The following MMP8 variants were observed in gnomAD, a reference collection of about 807,000 sequenced individuals.
MMP8 encodes matrix metallopeptidase 8.
A neutral mutation model predicts 51.2 loss-of-function variants in MMP8; 67 were observed. The observed-to-expected ratio is 1.31, with a 90% confidence interval of 1.08 to 1.60. MMP8 has a LOEUF of 1.60. Among genes scored for constraint, MMP8 ranks in the 40% most tolerant of loss-of-function variants. The pLI is 0.00. For synonymous variants in MMP8, 225 were observed against 191.0 expected (o/e 1.18, Z -1.47); for missense variants, 654 against 558.1 (o/e 1.17, Z -1.73).
rs754755980 is a variant in MMP8, at chr11:102,714,605, C to T, written c.1141G>A (p.Val381Ile). The change falls in exon 8 of 10, where the codon GTT becomes ATT. Residue 381 changes from valine (V) to isoleucine (I), a missense_variant. Val to Ile is a conservative substitution (Grantham distance 29). Transcript: ENST00000236826. ...AAGTATGTTTTACTTCTGTAGAAAA[C>T]AGCTGCGTCAATTGCTTGGACGCTG... ...PSSVQAIDAAVFYRSKTYFFV... is the reference protein window; with the variant it reads ...PSSVQAIDAAIFYRSKTYFFV... 5.3e-6 allele frequency: 8 copies of T among 1,523,060 alleles called. No homozygotes were observed. Among genetic ancestry groups the T allele is most frequent in the Non-Finnish European group, 7.0e-6 (8 of 1,137,642 alleles). 94.3% of individuals were successfully genotyped at this position (1,523,060 alleles called of 1,614,324 possible). A position where few individuals can be genotyped will look rare whatever the true frequency, so the allele number is the denominator to read the frequency against.
At chr11:102,724,539 C>T (rs929915837) in intron 1 of MMP8, among the ~76,000 whole-genome samples, 2 of 152,130 alleles carry the variant, frequency 1.3e-5, no homozygotes, top group African/African-American at 4.8e-5. Flanking sequence ...ATTTTCCCAG[C>T]CTTTAAAGAA....
In MMP8 at chr11:102,717,647, A is replaced by G. The variant is rs77757920; in HGVS notation, c.784+767T>C. Among the ~76,000 whole-genome samples the G allele has an allele frequency of 4.0e-3, 611 of 151,956 alleles. 5 individuals are homozygous for G. The highest frequency in any genetic ancestry group is 0.014 in the African/African-American group (573 of 41,412). On this transcript the variant is annotated intron_variant, in intron 5 of 9. Coordinates refer to ENST00000236826, the MANE Select transcript of MMP8 (RefSeq NM_002424.3). ...TATCTGTATAGTCTTCTCCTAATAG[A>G]CTCCCAGGTGTCTTCCAACTTCCAT...
Position 102,718,594 on chromosome 11 carries a change from T to C in MMP8, c.623-19A>G. 6.2e-7 allele frequency: 1 copy of C among 1,613,512 alleles called. No individual in the cohort carries two copies. Among genetic ancestry groups the C allele is most frequent in the Admixed American group, 1.7e-5 (1 of 59,938 alleles). ...TTGTAATCTGAAATGCAAACACGGG[T>C]GGTAAACAGCTCAGTGTGGATCCCA... is the stretch of plus-strand genomic sequence containing the variant. On this transcript the variant is annotated intron_variant, in intron 4 of 9. Transcript: ENST00000236826.
intron 6 of MMP8, among the ~76,000 whole-genome samples, chr11:102,715,802 GCA>G (rs1236011713): frequency 6.6e-6 from 1 of 152,188 alleles, no homozygotes; most frequent in Admixed American, 6.5e-5. Context: ...GCCTGTGATT[GCA>G]CACTCACAAA....
rs1235821879 is a variant in MMP8 at position 102,713,378 on chromosome 11, G to A, written c.1374C>T (p.Gly458=). The A allele has an allele frequency of 1.2e-6, 2 of 1,613,264 alleles. No individual in the cohort carries two copies. Among genetic ancestry groups the A allele is most frequent in the African/African-American group, 2.7e-5 (2 of 74,852 alleles). The part of the protein sequence containing the change: ...IAQRVTRVAR[G]NKWLNCRYG ...CATATCTACAGTTAAGCCATTTATT[G>A]CCTCTTGCAACTCTGGTAACTCTCT... is the stretch of plus-strand genomic sequence containing the variant. The change falls in exon 10 of 10, where the codon GGC becomes GGT. Residue 458 remains glycine, a synonymous_variant. Transcript: ENST00000236826.
intron 8 of MMP8, 66 bp from the exon 9 acceptor site, chr11:102,713,923 A>G (rs1861205561): frequency 2.7e-6 from 3 of 1,094,130 alleles, no homozygotes; most frequent in East Asian, 2.6e-5. Context: ...AATTTTTTTT[A>G]TTGTATATAA....
chr11:102,714,697 C>T lies in MMP8; in HGVS notation c.1049G>A (p.Trp350Ter), dbSNP rs767627481. ...LIFLFKGNQYWALSGYDILQG... is the reference protein window; with the variant it reads ...LIFLFKGNQY ...CAGAATATCATAGCCACTCAGAGCC[C>T]AGTATTGGTTGCCTGTCAATGATTC... Residue 350 changes from tryptophan to a stop codon, truncating the protein, a stop_gained, in exon 8 of 10, where the codon TGG (tryptophan) becomes TAG (stop). Transcript: ENST00000236826. LOFTEE classifies it high-confidence loss of function. 1.3e-6 allele frequency: 2 copies of T among 1,508,392 alleles called. No individual in the cohort carries two copies. The highest frequency in any genetic ancestry group is 1.8e-6 in the Non-Finnish European group (2 of 1,132,162). 93.4% of individuals were successfully genotyped at this position (1,508,392 alleles called of 1,614,324 possible).
chr11:102,715,614 T>C lies in MMP8; in HGVS notation c.903-177A>G, dbSNP rs143801932. 1.4e-3 allele frequency among the ~76,000 whole-genome samples: 213 copies of C among 152,324 alleles called. 5 individuals carry two copies. The East Asian group carries it at 0.034, about 24-fold the overall frequency. ...CATATGGCGAAGCTTTATAGTGATA[T>C]TGTCCATCTGGCAAGTACTTCACAG... On this transcript the variant is annotated intron_variant, in intron 6 of 9. Coordinates refer to ENST00000236826, the MANE Select transcript of MMP8 (RefSeq NM_002424.3).
intron 5 of MMP8, among the ~76,000 whole-genome samples, chr11:102,718,063 C>A (rs553544822): frequency 6.6e-6 from 1 of 151,740 alleles, no homozygotes; most frequent in Non-Finnish European, 1.5e-5. Flanking sequence ...GCCAAGATCG[C>A]GTCACTGCAC....
intron 4 of MMP8, among the ~76,000 whole-genome samples, chr11:102,719,413 A>G (rs1480912569): frequency 6.7e-6 from 1 of 149,116 alleles, no homozygotes; most frequent in Non-Finnish European, 1.5e-5. Flanking sequence ...CCATAATTGT[A>G]GAGTACCTAC....
intron 4 of MMP8, 57 bp from the exon 5 acceptor site, chr11:102,718,632 C>G: frequency 6.2e-7 from 1 of 1,602,564 alleles, no homozygotes; most frequent in Non-Finnish European, 8.5e-7. Context: ...GTGGCAGAAA[C>G]ATGATCTCAA....
chr11:102,715,819 C>A (rs893977005), intron 6 of MMP8, among the ~76,000 whole-genome samples: 1 of 152,178 alleles, frequency 6.6e-6, no homozygotes, highest in Non-Finnish European at 1.5e-5. Context: ...CACAAAATAG[C>A]CAATGGACAA....
In MMP8 at chr11:102,724,948, A is replaced by C; in HGVS notation, c.-93T>G. The C allele has an allele frequency of 7.0e-7, 1 of 1,428,714 alleles. No individual in the cohort carries two copies. The highest frequency in any genetic ancestry group is 1.6e-5 in the South Asian group (1 of 61,334). 88.5% of individuals were successfully genotyped at this position (1,428,714 alleles called of 1,614,324 possible). On this transcript the variant is annotated 5_prime_UTR_variant, in exon 1 of 10. It removes an upstream start codon present in the reference 5' UTR. Coordinates refer to ENST00000236826, the MANE Select transcript of MMP8 (RefSeq NM_002424.3). Reference sequence around the variant, plus strand: ...CGAGCACCCTGACGTTCACAGCATCATGTGTCACTCACAGCTCTCTTGCAG... The same window carrying C: ...CGAGCACCCTGACGTTCACAGCATCCTGTGTCACTCACAGCTCTCTTGCAG...
Position 102,714,640 on chromosome 11 carries a change from C to A in MMP8, c.1106G>T (p.Gly369Val), listed in dbSNP as rs746379392. The stretch of plus-strand genomic sequence containing the variant: ...AATTGCTTGGACGCTGCTGGGGAAG[C>A]CATAGTTTGATATATCCTTGGGATA... ...QGYPKDISNYGFPSSVQAIDA... is the reference protein window; with the variant it reads ...QGYPKDISNYVFPSSVQAIDA... Residue 369 changes from glycine to valine, a missense_variant, in exon 8 of 10, where the codon GGC becomes GTC. By Grantham distance (109) the Gly-to-Val change is moderately radical (BLOSUM62 -3). Coordinates refer to ENST00000236826, the MANE Select transcript of MMP8 (RefSeq NM_002424.3). 1.2e-5 allele frequency: 18 copies of A among 1,553,480 alleles called. No individual in the cohort carries two copies. The East Asian group carries it at 4.0e-4, about 35-fold the overall frequency.
intron 5 of MMP8, among the ~76,000 whole-genome samples, chr11:102,717,845 G>T (rs1324969862): frequency 6.6e-6 from 1 of 152,130 alleles, no homozygotes; most frequent in South Asian, 2.1e-4. Context: ...AATGGCTCAC[G>T]CCTGTAATCC....
In MMP8 at chr11:102,718,554, G is replaced by C. The variant is rs1565439113; in HGVS notation, c.644C>G (p.Ala215Gly). The stretch of plus-strand genomic sequence containing the variant: ...CAAAGAATGGCCAAATTCATGAGCA[G>C]CAACAAGAAACAAGTTGTAATCTGA... ...TSANYNLFLV[A>G]AHEFGHSLGL... Residue 215 changes from alanine to glycine, a missense_variant, in exon 5 of 10, where the codon GCT becomes GGT. Physicochemically the swap from Ala to Gly is moderately conservative, Grantham distance 60 (BLOSUM62 0). Coordinates refer to ENST00000236826, the MANE Select transcript of MMP8 (RefSeq NM_002424.3). The C allele has an allele frequency of 6.2e-7, 1 of 1,613,780 alleles. No homozygotes were observed. The highest frequency in any genetic ancestry group is 1.3e-5 in the African/African-American group (1 of 74,916).
chr11:102,720,932 A>C (rs1460479647), intron 4 of MMP8, among the ~76,000 whole-genome samples: 1 of 152,216 alleles, frequency 6.6e-6, no homozygotes, highest in African/African-American at 2.4e-5. Context: ...AAACATCACT[A>C]AATTTGGGAA....
chr11:102,718,668 G>T, intron 4 of MMP8, 93 bp from the exon 5 acceptor site: 2 of 1,431,370 alleles, frequency 1.4e-6, no homozygotes, highest in Non-Finnish European at 1.9e-6. Flanking sequence ...AGTCAAAACT[G>T]CTCAGGGAAA....
intron 7 of MMP8, 141 bp downstream of exon 7, chr11:102,715,163 G>C: frequency 2.0e-6 from 2 of 1,013,342 alleles, no homozygotes; most frequent in Non-Finnish European, 2.8e-6. Context: ...TCCTGATGGG[G>C]CCCAACCCTA....
Sources: allele counts gnomAD v4.1 joint callset (sites outside exome capture counted in the v4.1 genomes callset), GRCh38; gene constraint gnomAD v4.1.1; transcripts MANE v1.5; gene names NCBI Gene and HGNC (gene_info 2026-07-23, HGNC 2026-07-21).